PAAF1: variants seen among roughly 807,000 people sequenced by gnomAD.
The protein encoded by PAAF1 is proteasomal ATPase-associated factor 1.
Under a neutral mutation model 52.8 loss-of-function variants are expected in PAAF1, and 46 were observed. The ratio of observed to expected loss-of-function variants is 0.87; its 90% CI spans 0.69 to 1.11. The LOEUF is 1.11. Among genes scored for constraint, PAAF1 ranks in the 50% most tolerant of loss-of-function variants. The pLI is 0.00. For missense variants in PAAF1, 424 were observed against 477.4 expected, an observed-to-expected ratio of 0.89 and a Z score of 1.04; for synonymous variants, 178 against 172.8, an observed-to-expected ratio of 1.03 and a Z score of -0.24.
At position 73,924,664 on chromosome 11, in the gene PAAF1, G is replaced by A; in HGVS notation, c.1068G>A (p.Glu356=). 6.2e-7 allele frequency: 1 copy of A among 1,614,070 alleles called. No individual in the cohort carries two copies. The highest frequency in any genetic ancestry group is 8.5e-7 in the Non-Finnish European group (1 of 1,179,958). ...AGCAAGACTTAGACTATGTCACTGA[G>A]CTCACTGGGGCTGACTGTGACCCTG... ...IVQQDLDYVT[E]LTGADCDPVY... Residue 356 remains glutamate (E), a synonymous_variant, in exon 11 of 12, where the codon GAG becomes GAA. Coordinates refer to ENST00000310571, the MANE Select transcript of PAAF1 (RefSeq NM_025155.3).
intron 10 of PAAF1, among the ~76,000 whole-genome samples, chr11:73,921,480 C>G (rs1950215607): frequency 6.6e-6 from 1 of 152,090 alleles, no homozygotes; most frequent in Non-Finnish European, 1.5e-5. Context: ...TTTCAAATCA[C>G]TGTTGATAAC....
rs1187168561 is a variant in PAAF1, at chr11:73,928,541, C to T, written c.*1179C>T. 6.6e-6 allele frequency: 1 copy of T among 152,158 alleles called. No homozygotes were observed. The highest frequency in any genetic ancestry group is 1.9e-4 in the East Asian group (1 of 5,196). 9.4% of individuals were successfully genotyped at this position (152,158 alleles called of 1,614,324 possible). ...GATTTTCCATCTCAGTACATGTAGA[C>T]GTTCCTCATTCTTTTTTAACAATGT... On this transcript the variant is annotated 3_prime_UTR_variant, in exon 12 of 12. Coordinates refer to ENST00000310571, the MANE Select transcript of PAAF1 (RefSeq NM_025155.3).
At chr11:73,896,272 G>GTT (rs1949355788) in intron 4 of PAAF1, among the ~76,000 whole-genome samples, 1 of 133,224 alleles carries the variant, frequency 7.5e-6, no homozygotes, top group Non-Finnish European at 1.6e-5. Flanking sequence ...TTTTTTTTAC[G>GTT]ATGTTTCTTT....
upstream of PAAF1, chr11:73,876,915 T>G: frequency 1.8e-6 from 2 of 1,122,956 alleles, no homozygotes; most frequent in South Asian, 2.1e-5. Flanking sequence ...CACGTTTTCA[T>G]TGGTGGCCTC....
At chr11:73,913,626 G>A (rs1591113343) in intron 7 of PAAF1, among the ~76,000 whole-genome samples, 1 of 150,000 alleles carries the variant, frequency 6.7e-6, no homozygotes, top group South Asian at 2.1e-4. Context: ...GACCTTATCT[G>A]TTTGTTCATC....
chr11:73,926,474 G>A (rs1332571000), intron 11 of PAAF1, among the ~76,000 whole-genome samples: 3 of 152,128 alleles, frequency 2.0e-5, no homozygotes, highest in African/African-American at 4.8e-5. Context: ...TTTGGGAGGC[G>A]GAGGGGGTGC....
chr11:73,901,964 T>C (rs1009615541), intron 6 of PAAF1, among the ~76,000 whole-genome samples: 3 of 150,112 alleles, frequency 2.0e-5, no homozygotes, highest in Non-Finnish European at 4.4e-5. Context: ...CCCAGGCTCA[T>C]GCGATCCTTG....
chr11:73,898,496 G>C (rs1181454591), intron 4 of PAAF1, among the ~76,000 whole-genome samples: 2 of 152,052 alleles, frequency 1.3e-5, no homozygotes, highest in Admixed American at 6.6e-5. Flanking sequence ...GATTACACAG[G>C]TGTGAGCCAC....
chr11:73,928,406 T>C lies in PAAF1; in HGVS notation c.*1044T>C, dbSNP rs1215227245. 1.3e-5 allele frequency: 2 copies of C among 152,194 alleles called. No homozygotes were observed. The highest frequency in any genetic ancestry group is 2.9e-5 in the Non-Finnish European group (2 of 68,036). The allele number at this position is 152,194 out of a possible 1,614,324, so 9.4% of individuals were successfully genotyped here. On this transcript the variant is annotated 3_prime_UTR_variant, in exon 12 of 12. Coordinates refer to ENST00000310571, the MANE Select transcript of PAAF1 (RefSeq NM_025155.3). ...TACGTGGTTGGCAGTGGGGAACCAC[T>C]GAAGGGTTTTAAGCAAGAGAATGGC...
chr11:73,920,968 C>T (rs1419370865), intron 10 of PAAF1, among the ~76,000 whole-genome samples: 3 of 151,898 alleles, frequency 2.0e-5, no homozygotes, highest in East Asian at 1.9e-4. Flanking sequence ...TGATATTTCT[C>T]GCCTCCTCTG....
At chr11:73,881,199 A>C (rs1225377513) in intron 2 of PAAF1, among the ~76,000 whole-genome samples, 1 of 152,194 alleles carries the variant, frequency 6.6e-6, no homozygotes, top group Non-Finnish European at 1.5e-5. Context: ...TAGGCTAAAA[A>C]AGCAATCTAA....
At chr11:73,904,924 A>G (rs1348148178) in intron 6 of PAAF1, among the ~76,000 whole-genome samples, 1 of 152,174 alleles carries the variant, frequency 6.6e-6, no homozygotes, top group Non-Finnish European at 1.5e-5. Context: ...TCTGGTTTGT[A>G]TGGTGAAGAC....
chr11:73,898,199 G>C (rs1003268024), intron 4 of PAAF1, among the ~76,000 whole-genome samples: 2 of 146,198 alleles, frequency 1.4e-5, no homozygotes, highest in African/African-American at 5.0e-5. Flanking sequence ...GTGGGGAGAG[G>C]GAGGGGGAGG....
chr11:73,899,339 A>C (rs1055374868), intron 5 of PAAF1, 95 bp downstream of exon 5: 4 of 817,942 alleles, frequency 4.9e-6, no homozygotes, highest in Non-Finnish European at 6.1e-6. Context: ...CCCATTCTAA[A>C]AATGTGGGAC....
intron 8 of PAAF1, among the ~76,000 whole-genome samples, chr11:73,914,756 G>A (rs923903749): frequency 2.7e-5 from 4 of 146,858 alleles, no homozygotes; most frequent in African/African-American, 1.0e-4. Context: ...TGGATGGAGT[G>A]CAGTGGCGCA....
intron 11 of PAAF1, 85 bp downstream of exon 11, chr11:73,924,782 G>C: frequency 8.3e-6 from 9 of 1,079,326 alleles, no homozygotes; most frequent in Non-Finnish European, 1.3e-5. Flanking sequence ...ATACCTTGTG[G>C]TCATTAGGGA....
At chr11:73,908,305 A>G (rs1591099929) in intron 6 of PAAF1, among the ~76,000 whole-genome samples, 1 of 144,660 alleles carries the variant, frequency 6.9e-6, no homozygotes, top group South Asian at 2.1e-4. Flanking sequence ...GTGTGTATAT[A>G]TGTATATATA....
intron 9 of PAAF1, among the ~76,000 whole-genome samples, chr11:73,917,255 G>A (rs1411364322): frequency 6.6e-6 from 1 of 151,966 alleles, no homozygotes; most frequent in African/African-American, 2.4e-5. Context: ...TCCTGACCTC[G>A]TGATCTGCCC....
In PAAF1 at chr11:73,930,546, A is replaced by AG. The variant is rs1950443266; in HGVS notation, c.*3185dup. 1 of 152,016 alleles carries AG rather than the reference A, an allele frequency of 6.6e-6. No individual in the cohort carries two copies. The highest frequency in any genetic ancestry group is 2.4e-5 in the African/African-American group (1 of 41,360). The allele number at this position is 152,016 out of a possible 1,614,324, so 9.4% of individuals were successfully genotyped here. A position where few individuals can be genotyped will look rare whatever the true frequency, so the allele number is the denominator to read the frequency against. ...TGGATCGCTGGAGCCCAGGAATTGG[A>AG]GACCAGCCTGCACAACATGAGGAAA... On this transcript the variant is annotated 3_prime_UTR_variant, in exon 12 of 12. Transcript: ENST00000310571.
Sources: allele counts gnomAD v4.1 joint callset (sites outside exome capture counted in the v4.1 genomes callset), GRCh38; gene constraint gnomAD v4.1.1; transcripts MANE v1.5; gene names NCBI Gene and HGNC (gene_info 2026-07-23, HGNC 2026-07-21).